XKR5: variants seen among roughly 807,000 people sequenced by gnomAD.
XKR5 encodes the protein XK-related protein 5.
XKR5 carries 46 observed loss-of-function variants against 40.8 expected under a neutral mutation model. That is an observed-to-expected ratio of 1.13 (90% CI 0.89 to 1.44). The LOEUF (loss-of-function observed/expected upper bound fraction) is 1.44, where lower values mean the gene tolerates loss of function less well. Among genes scored for constraint, XKR5 ranks in the 40% most tolerant of loss-of-function variants. The pLI is 0.00. For synonymous variants in XKR5, 466 were observed against 356.1 expected (o/e 1.31, Z -3.48); for missense variants, 1,169 against 844.7 (o/e 1.38, Z -4.76).
intron 4 of XKR5, 147 bp from the exon 5 acceptor site, chr8:6,822,185 G>A (rs1804272045): frequency 2.6e-6 from 2 of 757,864 alleles, no homozygotes; most frequent in South Asian, 2.0e-5. Context: ...AGAGATTTGA[G>A]GGGGACAGAA....
intron 2 of XKR5, among the ~76,000 whole-genome samples, chr8:6,830,293 T>C (rs148182267): frequency 6.6e-6 from 1 of 152,332 alleles, no homozygotes; most frequent in East Asian, 1.9e-4. Context: ...TACAGGTCCT[T>C]TTCTAGAATT....
intron 6 of XKR5, among the ~76,000 whole-genome samples, 169 bp downstream of exon 6, chr8:6,815,638 A>T (rs1803919200): frequency 6.6e-6 from 1 of 152,078 alleles, no homozygotes; most frequent in African/African-American, 2.4e-5. Context: ...TGAGCTCAGT[A>T]TCTCATGCTC....
intron 5 of XKR5, among the ~76,000 whole-genome samples, chr8:6,820,487 A>T (rs568738918): frequency 2.6e-5 from 4 of 152,228 alleles, no homozygotes; most frequent in Admixed American, 2.6e-4. Context: ...CAGGTGTCAA[A>T]CTCCTCCTTA....
intron 2 of XKR5, chr8:6,829,186 A>G (rs1804649749): frequency 5.9e-6 from 1 of 169,054 alleles, no homozygotes; most frequent in South Asian, 2.0e-4. Context: ...GTTTACCTTA[A>G]CTTTCCTTTT....
In XKR5 at chr8:6,835,479, G is replaced by C; in HGVS notation, c.15C>G (p.Leu5=). 2 of 1,502,980 alleles carry C rather than the reference G, an allele frequency of 1.3e-6. No homozygotes were observed. Among genetic ancestry groups the C allele is most frequent in the Non-Finnish European group, 1.8e-6 (2 of 1,133,410 alleles). The allele number at this position is 1,502,980 out of a possible 1,614,324, so 93.1% of individuals were successfully genotyped here. MHAR[L]LGLSALLQAA... ...CCTGCAGCAGGGCCGAGAGCCCCAG[G>C]AGCCTCGCGTGCATCTTCCGTGCCG... The change falls in exon 1 of 7, where the codon CTC becomes CTG. Residue 5 remains leucine (L), a synonymous_variant. Transcript: ENST00000618742.
At chr8:6,813,925 T>C (rs949519627) in intron 6 of XKR5, among the ~76,000 whole-genome samples, 3 of 152,190 alleles carry the variant, frequency 2.0e-5, no homozygotes, top group African/African-American at 7.2e-5. Context: ...AGAAAGTAGA[T>C]GAGGGGACAT....
intron 1 of XKR5, among the ~76,000 whole-genome samples, chr8:6,834,359 C>T (rs1045807146): frequency 1.3e-5 from 2 of 152,254 alleles, no homozygotes; most frequent in African/African-American, 2.4e-5. Context: ...GCCCTTAGCG[C>T]CCAGGCTGGG....
At position 6,835,452 on chromosome 8, in the gene XKR5, C is replaced by T. The variant is rs1014666015; in HGVS notation, c.42G>A (p.Ala14=). Residue 14 remains alanine, a synonymous_variant, in exon 1 of 7, where the codon GCG becomes GCA. Transcript: ENST00000618742. ...RLLGLSALLQ[A]AEQSARLYTV... Reference sequence around the variant, plus strand: ...CGCACTCACGCGCGCTCTGCTCGGCCGCCTGCAGCAGGGCCGAGAGCCCCA... The same window carrying T: ...CGCACTCACGCGCGCTCTGCTCGGCTGCCTGCAGCAGGGCCGAGAGCCCCA... 3.3e-6 allele frequency: 5 copies of T among 1,497,402 alleles called. No individual in the cohort carries two copies. In the African/African-American group the frequency reaches 4.3e-5, roughly 13 times the overall value. 92.8% of individuals were successfully genotyped at this position (1,497,402 alleles called of 1,614,324 possible).
chr8:6,827,017 G>T (rs1040603502), intron 2 of XKR5, among the ~76,000 whole-genome samples: 1 of 152,140 alleles, frequency 6.6e-6, no homozygotes, highest in South Asian at 2.1e-4. Context: ...CCTATGCCAG[G>T]CACCTTTACT....
rs1803697282 is a variant in XKR5 at position 6,811,670 on chromosome 8, T to C, written c.1589A>G (p.Gln530Arg). Residue 530 changes from glutamine (Q) to arginine (R), a missense_variant, in exon 7 of 7, where the codon CAG becomes CGG. By Grantham distance (43) the Gln-to-Arg change is conservative (BLOSUM62 1). Coordinates refer to ENST00000618742, the MANE Select transcript of XKR5 (RefSeq NM_207411.5). ...CTGCTGTCCTTCCCCTCCTCTCTGC[T>C]GCCCACCTGTCCCCTTCCCCTGTGT... ...SGTQGKGTGGQQRGGEGQQSS... is the reference protein window; with the variant it reads ...SGTQGKGTGGRQRGGEGQQSS... The C allele has an allele frequency of 6.5e-7, 1 of 1,537,616 alleles. No individual in the cohort carries two copies. The highest frequency in any genetic ancestry group is 8.7e-7 in the Non-Finnish European group (1 of 1,147,050).
In XKR5 at chr8:6,832,778, C is replaced by T. The variant is rs557576982; in HGVS notation, c.181G>A (p.Gly61Arg). The change falls in exon 2 of 7, where the codon GGG becomes AGG. Residue 61 changes from glycine to arginine, a missense_variant. Coordinates refer to ENST00000618742, the MANE Select transcript of XKR5 (RefSeq NM_207411.5). ...ALSYLWFRAD[G>R]HPGHCSLMML... ...ATCAAGGAGCAATGCCCTGGATGCC[C>T]GTCTGCTCGGAACCACAGGTAGCTC... 7.4e-6 allele frequency: 12 copies of T among 1,613,304 alleles called. No individual in the cohort carries two copies. In the Admixed American group the frequency reaches 8.3e-5, roughly 11 times the overall value.
Position 6,829,629 on chromosome 8 carries a change from C to T in XKR5, c.242+3088G>A, listed in dbSNP as rs180851356. On this transcript the variant is annotated intron_variant, in intron 2 of 6. Transcript: ENST00000618742. ...TTCCCAGGTTCAAGCGATTCTCATGCTTCAGTCTCCTGAGTAGGTGGCATT... is the reference window on the plus strand; with the variant it reads ...TTCCCAGGTTCAAGCGATTCTCATGTTTCAGTCTCCTGAGTAGGTGGCATT... Among the ~76,000 whole-genome samples, 757 of 152,308 alleles carry T rather than the reference C, an allele frequency of 5.0e-3. 8 individuals carry two copies. The highest frequency in any genetic ancestry group is 0.036 in the South Asian group (172 of 4,830).
Position 6,812,293 on chromosome 8 carries a change from G to T in XKR5, c.966C>A (p.Ser322=). 1 of 1,553,686 alleles carries T rather than the reference G, an allele frequency of 6.4e-7. No homozygotes were observed. The highest frequency in any genetic ancestry group is 8.7e-7 in the Non-Finnish European group (1 of 1,147,728). Residue 322 remains serine, a synonymous_variant, in exon 7 of 7, where the codon TCC becomes TCA. Coordinates refer to ENST00000618742, the MANE Select transcript of XKR5 (RefSeq NM_207411.5). ...TTAGGCAGCCCTGCCAGATGTCTGT[G>T]GATTTTGGATGCAGCAGGCTGTAAT... ...VIYYSLLHPK[S]TDIWQGCLRK...
intron 5 of XKR5, 94 bp downstream of exon 5, chr8:6,821,775 G>T: frequency 9.4e-7 from 1 of 1,065,542 alleles, no homozygotes; most frequent in Non-Finnish European, 1.3e-6. Context: ...GGTGTGCATT[G>T]GTGCACACAC....
chr8:6,811,502 A>C lies in XKR5; in HGVS notation c.1757T>G (p.Val586Gly), dbSNP rs1279066768. The C allele has an allele frequency of 6.5e-7, 1 of 1,529,010 alleles. No individual in the cohort carries two copies. The highest frequency in any genetic ancestry group is 8.8e-7 in the Non-Finnish European group (1 of 1,142,224). The allele number at this position is 1,529,010 out of a possible 1,614,324, so 94.7% of individuals were successfully genotyped here. ...SPAQPASPHP[V>G]GLAPFPDTMA... ...GGTGTCGGGGAAGGGCGCCAAGCCCACTGGGTGGGGCGATGCAGGCTGGGC... is the reference window on the plus strand; with the variant it reads ...GGTGTCGGGGAAGGGCGCCAAGCCCCCTGGGTGGGGCGATGCAGGCTGGGC... Residue 586 changes from valine to glycine, a missense_variant, in exon 7 of 7, where the codon GTG becomes GGG. Val to Gly is a moderately radical substitution (Grantham distance 109). Transcript: ENST00000618742.
At chr8:6,829,974 A>T (rs1057096920) in intron 2 of XKR5, among the ~76,000 whole-genome samples, 82 of 151,530 alleles carry the variant, frequency 5.4e-4, no homozygotes, top group African/African-American at 1.6e-3. Context: ...AGTAGCTGGG[A>T]CTACAGGCGC....
chr8:6,818,512 C>T (rs1804070783), intron 5 of XKR5, among the ~76,000 whole-genome samples: 1 of 152,232 alleles, frequency 6.6e-6, no homozygotes, highest in South Asian at 2.1e-4. Context: ...TGAATAAACC[C>T]ATAACGGGTG....
chr8:6,818,773 G>A (rs535460288), intron 5 of XKR5, among the ~76,000 whole-genome samples: 1 of 152,204 alleles, frequency 6.6e-6, no homozygotes, highest in Admixed American at 6.5e-5. Flanking sequence ...GCAGGGCTGA[G>A]GCCCAGCTGC....
chr8:6,830,484 GC>G (rs1804713082), intron 2 of XKR5, among the ~76,000 whole-genome samples: 1 of 152,140 alleles, frequency 6.6e-6, no homozygotes, highest in Admixed American at 6.5e-5. Flanking sequence ...GAGAAACACT[GC>G]AAATCTTGCG....
Sources: allele counts gnomAD v4.1 joint callset (sites outside exome capture counted in the v4.1 genomes callset), GRCh38; gene constraint gnomAD v4.1.1; transcripts MANE v1.5; gene names NCBI Gene and HGNC (gene_info 2026-07-23, HGNC 2026-07-21).